HS1BP3: variants seen among roughly 807,000 people sequenced by gnomAD.
HS1BP3 encodes HCLS1 binding protein 3, also known as HCLS1-binding protein 3.
In HS1BP3, 32 loss-of-function variants were observed where a neutral mutation model predicts 33.5. The ratio of observed to expected loss-of-function variants is 0.95; its 90% CI spans 0.72 to 1.28. The LOEUF (loss-of-function observed/expected upper bound fraction) is 1.28, where lower values mean the gene tolerates loss of function less well. Among genes scored for constraint, HS1BP3 ranks in the 50% most tolerant of loss-of-function variants. The pLI is 0.00. For synonymous variants in HS1BP3, 187 were observed against 209.2 expected, an observed-to-expected ratio of 0.89 and a Z score of 0.92; for missense variants, 486 against 502.3, an observed-to-expected ratio of 0.97 and a Z score of 0.31.
At chr2:20,599,409 T>G (rs538115957) in intron 2 of HS1BP3, among the ~76,000 whole-genome samples, 1 of 152,310 alleles carries the variant, frequency 6.6e-6, no homozygotes, top group East Asian at 1.9e-4. Flanking sequence ...ACGTGGCCTG[T>G]GTCACCCCAA....
intron 5 of HS1BP3, among the ~76,000 whole-genome samples, chr2:20,573,410 T>C (rs1374778962): frequency 6.6e-6 from 1 of 152,222 alleles, no homozygotes; most frequent in African/African-American, 2.4e-5. Context: ...CCGTGGTACT[T>C]TGAGTCTCTT....
At chr2:20,559,545 GA>G (rs1390832352), downstream of HS1BP3, among the ~76,000 whole-genome samples, 4 of 151,516 alleles carry the variant, frequency 2.6e-5, no homozygotes, top group African/African-American at 7.3e-5. Context: ...TGCATGGATG[GA>G]TAGGTGGATG....
At chr2:20,624,989 G>T in intron 4 of HS1BP3, 97 bp from the exon 5 acceptor site, 1 of 1,422,218 alleles carries the variant, frequency 7.0e-7, no homozygotes, top group Non-Finnish European at 9.8e-7. Flanking sequence ...GCAGTGGAGG[G>T]GCTGGATGCC....
intron 4 of HS1BP3, among the ~76,000 whole-genome samples, chr2:20,630,521 G>T (rs1255321083): frequency 6.6e-6 from 1 of 152,212 alleles, no homozygotes; most frequent in African/African-American, 2.4e-5. Flanking sequence ...TTCCCGCCTT[G>T]ACCTCTCAAA....
chr2:20,576,597 TC>T (rs796919042), intron 5 of HS1BP3, among the ~76,000 whole-genome samples: 29 of 152,338 alleles, frequency 1.9e-4, no homozygotes, highest in African/African-American at 6.5e-4. Flanking sequence ...CAGGATCGCC[TC>T]CCTCATTGTA....
chr2:20,619,597 C>T (rs1694531327), intron 6 of HS1BP3, among the ~76,000 whole-genome samples: 1 of 152,228 alleles, frequency 6.6e-6, no homozygotes, highest in Non-Finnish European at 1.5e-5. Flanking sequence ...CCACCAGCTA[C>T]TATGTACAGA....
At chr2:20,641,802 G>A (rs1003655754) in intron 2 of HS1BP3, among the ~76,000 whole-genome samples, 6 of 152,206 alleles carry the variant, frequency 3.9e-5, no homozygotes, top group South Asian at 2.1e-4. Context: ...TCAGCTTCCC[G>A]TGGGGCCAGC....
chr2:20,567,370 C>T (rs1002599182), intron 5 of HS1BP3, among the ~76,000 whole-genome samples: 1 of 152,208 alleles, frequency 6.6e-6, no homozygotes, highest in African/African-American at 2.4e-5. Flanking sequence ...ACTGGGCTGC[C>T]TGAGGCCAGG....
intron 4 of HS1BP3, among the ~76,000 whole-genome samples, chr2:20,632,837 G>A (rs578039986): frequency 5.6e-4 from 85 of 152,326 alleles, no homozygotes; most frequent in Non-Finnish European, 1.0e-3. Context: ...CAGGTGTACC[G>A]GCGCTCCTGG....
chr2:20,593,317 G>C (rs4666434), intron 3 of HS1BP3, among the ~76,000 whole-genome samples: 132,460 of 152,134 alleles, frequency 0.87, 59,633 homozygotes, highest in East Asian at 1. Flanking sequence ...CACACGTGCC[G>C]GCCTTCTCCT....
intron 6 of HS1BP3, among the ~76,000 whole-genome samples, chr2:20,619,930 T>C (rs1694542450): frequency 6.6e-6 from 1 of 152,044 alleles, no homozygotes; most frequent in African/African-American, 2.4e-5. Flanking sequence ...CAGTGAGAGC[T>C]GAGGATGGCC....
rs1437104039 is a variant in HS1BP3, at chr2:20,618,743, G to A, written c.*244C>T. 25 of 1,310,452 alleles carry A rather than the reference G, an allele frequency of 1.9e-5. No homozygotes were observed. Among genetic ancestry groups the A allele is most frequent in the Non-Finnish European group, 2.3e-5 (24 of 1,031,904 alleles). 81.2% of individuals were successfully genotyped at this position (1,310,452 alleles called of 1,614,324 possible). A position where few individuals can be genotyped will look rare whatever the true frequency, so the allele number is the denominator to read the frequency against. ...ACCCTCCCTCCCCTTCATGTCCACG[G>A]GGAATAAGACACATTGGGCTCTGGC... On this transcript the variant is annotated 3_prime_UTR_variant, in exon 7 of 7. Coordinates refer to ENST00000304031, the MANE Select transcript of HS1BP3 (RefSeq NM_022460.4).
At chr2:20,576,429 G>A (rs139260224) in intron 5 of HS1BP3, among the ~76,000 whole-genome samples, 387 of 152,298 alleles carry the variant, frequency 2.5e-3, no homozygotes, top group African/African-American at 7.6e-3. Flanking sequence ...TCCTGCCACT[G>A]AGGGCTTAGC....
At chr2:20,612,338 C>T (rs1034761706) in intron 2 of HS1BP3, among the ~76,000 whole-genome samples, 2 of 152,292 alleles carry the variant, frequency 1.3e-5, no homozygotes, top group Admixed American at 1.3e-4. Context: ...AATTTATATA[C>T]CGTAAACATC....
rs567588426 is a variant in HS1BP3 at position 20,622,235 on chromosome 2, A to G, written c.920+1661T>C. The G allele has an allele frequency of 9.2e-6, 12 of 1,300,340 alleles. No homozygotes were observed. In the East Asian group the frequency reaches 5.0e-4, roughly 54 times the overall value. The allele number at this position is 1,300,340 out of a possible 1,614,324, so 80.6% of individuals were successfully genotyped here. A position where few individuals can be genotyped will look rare whatever the true frequency, so the allele number is the denominator to read the frequency against. ...ATGAGGAAGTCCAACTACTCCCTGG[A>G]TAGTCACAGGGCAGACACAAAGAAT... is the stretch of plus-strand genomic sequence containing the variant. On this transcript the variant is annotated intron_variant, in intron 6 of 6. Transcript: ENST00000304031.
the HS1BP3 span, among the ~76,000 whole-genome samples, chr2:20,554,952 A>G: frequency 6.6e-5 from 10 of 152,092 alleles, no homozygotes; most frequent in African/African-American, 2.4e-4. Context: ...CCACCTTTCC[A>G]GCTCCTCCTG....
chr2:20,585,723 C>T (rs557929952), intron 5 of HS1BP3, among the ~76,000 whole-genome samples: 57 of 152,386 alleles, frequency 3.7e-4, no homozygotes, highest in Admixed American at 3.7e-3. Context: ...AGCTCTTCTT[C>T]CAGCCCCACG....
chr2:20,587,121 T>C (rs1693700015), intron 5 of HS1BP3, among the ~76,000 whole-genome samples: 1 of 152,110 alleles, frequency 6.6e-6, no homozygotes, highest in Non-Finnish European at 1.5e-5. Context: ...ACAAAGATGA[T>C]TGATAAAGGG....
intron 6 of HS1BP3, chr2:20,622,138 T>C: frequency 3.2e-6 from 4 of 1,247,958 alleles, no homozygotes; most frequent in South Asian, 2.7e-5. Flanking sequence ...TCAGGGTGGC[T>C]GAGGCTAGTG....
Sources: gnomAD v4.1 joint callset for allele counts (sites outside exome capture counted in the v4.1 genomes callset) on GRCh38, gnomAD v4.1.1 for gene constraint, MANE v1.5 for transcripts, NCBI Gene and HGNC (gene_info 2026-07-23, HGNC 2026-07-21) for gene names.